The following ARHGAP29 variants were observed in gnomAD, a reference collection of about 807,000 sequenced individuals.
The protein encoded by ARHGAP29 is rho GTPase-activating protein 29.
Under a neutral mutation model 122.6 loss-of-function variants are expected in ARHGAP29, and 43 were observed. The observed-to-expected ratio is 0.35, with a 90% confidence interval of 0.27 to 0.45. The LOEUF (loss-of-function observed/expected upper bound fraction) is 0.45. Among genes scored for constraint, ARHGAP29 ranks in the 20% least tolerant of loss-of-function variants. The pLI is 1.00. For missense variants in ARHGAP29, 1,303 were observed against 1,477.2 expected, an observed-to-expected ratio of 0.88 and a Z score of 1.93; for synonymous variants, 506 against 497.1, an observed-to-expected ratio of 1.02 and a Z score of -0.24.
the ARHGAP29 span, among the ~76,000 whole-genome samples, chr1:94,282,789 CAGA>C: frequency 3.9e-5 from 6 of 152,092 alleles, no homozygotes; most frequent in African/African-American, 1.2e-4. Flanking sequence ...CTTCATACTG[CAGA>C]AGAAGAACCA....
In ARHGAP29 at chr1:94,177,938, G is replaced by C; in HGVS notation, c.2710C>G (p.Gln904Glu). ...AACAGAGGCTTTGGAAAACAGCCTT[G>C]ATCAACAACACCTATGCTACACATA... The part of the protein sequence containing the change: ...DVMCSIGVVD[Q>E]GCFPKPLLSP... The change falls in exon 21 of 23, where the codon CAA (glutamine) becomes GAA (glutamate). Residue 904 changes from glutamine to glutamate, a missense_variant. By Grantham distance (29) the Gln-to-Glu change is conservative. This residue lies in a region of ARHGAP29 where 620 missense variants were observed against 651.2 expected (regional missense o/e 0.95). Transcript: ENST00000260526. 6.2e-7 allele frequency: 1 copy of C among 1,614,110 alleles called. No homozygotes were observed. Among genetic ancestry groups the C allele is most frequent in the East Asian group, 2.2e-5 (1 of 44,874 alleles).
chr1:94,194,883 A>G (rs1261423901), intron 12 of ARHGAP29: 4 of 152,220 alleles, frequency 2.6e-5, no homozygotes, highest in Admixed American at 2.6e-4. Context: ...TCTATATGAC[A>G]TAAACAATCA....
chr1:94,309,654 C>T, the ARHGAP29 span, among the ~76,000 whole-genome samples: 5 of 152,048 alleles, frequency 3.3e-5, no homozygotes, highest in African/African-American at 1.2e-4. Context: ...AAGAGAATCA[C>T]CCAGACTAGA....
At chr1:94,214,378 C>G (rs1320260082) in intron 3 of ARHGAP29, among the ~76,000 whole-genome samples, 1 of 152,162 alleles carries the variant, frequency 6.6e-6, no homozygotes, top group African/African-American at 2.4e-5. Context: ...ATCTCACCCA[C>G]TTCCATACCT....
intron 2 of ARHGAP29, among the ~76,000 whole-genome samples, chr1:94,230,586 A>C (rs1185795266): frequency 1.3e-5 from 2 of 151,792 alleles, no homozygotes; most frequent in Non-Finnish European, 3.0e-5. Context: ...TTATATATAT[A>C]CATAGAAATA....
the ARHGAP29 span, among the ~76,000 whole-genome samples, chr1:94,310,305 G>A: frequency 3.9e-5 from 6 of 152,188 alleles, no homozygotes; most frequent in Non-Finnish European, 2.9e-5. Flanking sequence ...TCAGCTTCCT[G>A]TCCCAGGTGA....
rs375644450 is a variant in ARHGAP29, at chr1:94,231,509, T to G, written c.103A>C (p.Ser35Arg). 18 of 1,613,740 alleles carry G rather than the reference T, an allele frequency of 1.1e-5. No individual in the cohort carries two copies. The African/African-American group carries it at 2.0e-4, about 18-fold the overall frequency. Residue 35 changes from serine (S) to arginine (R), a missense_variant, in exon 2 of 23, where the codon AGT becomes CGT. By Grantham distance (110) the Ser-to-Arg change is moderately radical. Coordinates refer to ENST00000260526, the MANE Select transcript of ARHGAP29 (RefSeq NM_004815.4). ...TCCGGATCAAAAATAGAGTTGGAAC[T>G]TAAGGACTTGAGCCCCATTTCAGAA... ...TTSEMGLKSL[S>R]SNSIFDPDYI...
intron 1 of ARHGAP29, among the ~76,000 whole-genome samples, chr1:94,269,219 A>G (rs1466629822): frequency 6.6e-6 from 1 of 152,286 alleles, no homozygotes; most frequent in East Asian, 1.9e-4. Flanking sequence ...GTGAGCATTC[A>G]TGTAATTAAC....
chr1:94,298,531 T>C, the ARHGAP29 span, among the ~76,000 whole-genome samples: 11 of 152,238 alleles, frequency 7.2e-5, no homozygotes, highest in African/African-American at 2.7e-4. Context: ...TTTCTCTCTT[T>C]TGGTTTCTCA....
At chr1:94,250,608 T>C (rs1343829554) in intron 1 of ARHGAP29, 1 of 152,200 alleles carries the variant, frequency 6.6e-6, no homozygotes, top group Non-Finnish European at 1.5e-5. Context: ...TTAATCTTGA[T>C]TCCATGATGG....
the ARHGAP29 span, among the ~76,000 whole-genome samples, chr1:94,298,319 C>T: frequency 6.6e-6 from 1 of 152,048 alleles, no homozygotes; most frequent in Non-Finnish European, 1.5e-5. Context: ...TATAAATGGT[C>T]TACATAATTT....
chr1:94,181,049 A>G (rs940514607), intron 19 of ARHGAP29, among the ~76,000 whole-genome samples: 5 of 152,358 alleles, frequency 3.3e-5, no homozygotes, highest in Admixed American at 3.3e-4. Context: ...CTTTTCCTGC[A>G]ATCCCACTAA....
chr1:94,263,615 A>G (rs981898543), intron 1 of ARHGAP29, among the ~76,000 whole-genome samples: 4 of 152,326 alleles, frequency 2.6e-5, no homozygotes, highest in Middle Eastern at 3.4e-3. Flanking sequence ...TTATAATAAT[A>G]CAAGATTCAT....
chr1:94,199,998 C>T (rs79621191), intron 12 of ARHGAP29, among the ~76,000 whole-genome samples: 8,362 of 152,130 alleles, frequency 0.055, 344 homozygotes, highest in Non-Finnish European at 0.084. Flanking sequence ...TAAGCCCAAA[C>T]GGATCATATA....
chr1:94,287,947 G>C, the ARHGAP29 span, among the ~76,000 whole-genome samples: 4 of 152,120 alleles, frequency 2.6e-5, no homozygotes, highest in South Asian at 2.1e-4. Flanking sequence ...ATTGTGAATA[G>C]TCCCGCAATA....
the ARHGAP29 span, among the ~76,000 whole-genome samples, chr1:94,296,703 A>G: frequency 6.6e-6 from 1 of 152,172 alleles, no homozygotes; most frequent in African/African-American, 2.4e-5. Flanking sequence ...GCCTCCCCCA[A>G]CACAGAGCTG....
the ARHGAP29 span, among the ~76,000 whole-genome samples, chr1:94,298,783 G>A: frequency 6.6e-6 from 1 of 152,146 alleles, no homozygotes; most frequent in African/African-American, 2.4e-5. Flanking sequence ...GGTTTCACAT[G>A]CTTAATCTTG....
At chr1:94,179,541 C>T (rs1002784836) in intron 20 of ARHGAP29, among the ~76,000 whole-genome samples, 184 bp downstream of exon 20, 1 of 141,076 alleles carries the variant, frequency 7.1e-6, no homozygotes, top group African/African-American at 2.8e-5. Context: ...TGCAGAGAGC[C>T]GAGATTGTGC....
At chr1:94,202,895 T>C (rs751078120) in intron 10 of ARHGAP29, 23 bp downstream of exon 10, 2 of 1,583,562 alleles carry the variant, frequency 1.3e-6, no homozygotes, top group South Asian at 1.2e-5. Context: ...AATAGGTACA[T>C]GAAACTCCAT....
Sources: allele counts gnomAD v4.1 joint callset (sites outside exome capture counted in the v4.1 genomes callset), GRCh38; gene constraint gnomAD v4.1.1; regional missense constraint gnomAD v4.1.1; transcripts MANE v1.5; gene names NCBI Gene and HGNC (gene_info 2026-07-23, HGNC 2026-07-21).